THBS4: variants seen among roughly 807,000 people sequenced by gnomAD.
The protein encoded by THBS4 is thrombospondin 4.
THBS4 carries 90 observed loss-of-function variants against 115.7 expected under a neutral mutation model. That is an observed-to-expected ratio of 0.78 (90% CI 0.66 to 0.93). The LOEUF (loss-of-function observed/expected upper bound fraction) is 0.93. THBS4 is among the 40% of genes least tolerant of loss of function. THBS4 has a pLI of 0.00. For missense variants in THBS4, 1,087 were observed against 1,232.7 expected, an observed-to-expected ratio of 0.88 and a Z score of 1.77; for synonymous variants, 460 against 479.3, an observed-to-expected ratio of 0.96 and a Z score of 0.53.
intron 1 of THBS4, among the ~76,000 whole-genome samples, chr5:79,996,270 T>C (rs2151147647): frequency 6.6e-6 from 1 of 152,374 alleles, no homozygotes; most frequent in African/African-American, 2.4e-5. Context: ...GGGAGAGCCA[T>C]GGGCAGGCTA....
chr5:80,008,394 C>T (rs1467591269), intron 2 of THBS4, among the ~76,000 whole-genome samples: 1 of 151,936 alleles, frequency 6.6e-6, no homozygotes, highest in Non-Finnish European at 1.5e-5. Context: ...CAAGCTTAAC[C>T]GGGCTTCCCA....
chr5:79,993,484 T>A (rs1215201727), intron 1 of THBS4, among the ~76,000 whole-genome samples: 2 of 152,210 alleles, frequency 1.3e-5, no homozygotes, highest in Non-Finnish European at 2.9e-5. Flanking sequence ...TGTTCAGAGT[T>A]CATCTAAATC....
In THBS4 at chr5:80,079,098, C is replaced by G. The variant is rs756053670; in HGVS notation, c.2351C>G (p.Thr784Ser). 3 of 1,613,934 alleles carry G rather than the reference C, an allele frequency of 1.9e-6. No individual in the cohort carries two copies. The highest frequency in any genetic ancestry group is 1.1e-5 in the South Asian group (1 of 91,058). Residue 784 changes from threonine to serine, a missense_variant, in exon 19 of 22, where the codon ACC becomes AGC. Thr to Ser is a moderately conservative substitution (Grantham distance 58). Around this residue, in one of 3 missense-constraint regions of THBS4, gnomAD observed 979 missense variants for 1,103.7 expected, o/e 0.89. Coordinates refer to ENST00000350881, the MANE Select transcript of THBS4 (RefSeq NM_003248.6). ...TAFNGVDFEGTFHVNTQTDDD... is the reference protein window; with the variant it reads ...TAFNGVDFEGSFHVNTQTDDD... ...TTTAATGGAGTTGACTTCGAAGGGA[C>G]CTTCCATGTGAATACCCAGACAGAT...
chr5:80,020,088 G>A (rs535838800), intron 2 of THBS4, among the ~76,000 whole-genome samples: 1 of 152,164 alleles, frequency 6.6e-6, no homozygotes, highest in East Asian at 1.9e-4. Context: ...AAGTCCAGTT[G>A]GATTCTAGAG....
Position 80,072,317 on chromosome 5 carries a change from A to G in THBS4, c.1760A>G (p.Asn587Ser). The change falls in exon 14 of 22, where the codon AAT becomes AGT. Residue 587 changes from asparagine to serine, a missense_variant. Around this residue, in one of 3 missense-constraint regions of THBS4, gnomAD observed 979 missense variants for 1,103.7 expected, o/e 0.89. Transcript: ENST00000350881. ...NILDNCPKFPNRDQRDKDGDG... is the reference protein window; with the variant it reads ...NILDNCPKFPSRDQRDKDGDG... ...CTGGACAACTGCCCAAAATTTCCCA[A>G]TCGTGACCAACGGGACAAGGATGGT... The G allele has an allele frequency of 1.2e-6, 2 of 1,614,142 alleles. No homozygotes were observed. Among genetic ancestry groups the G allele is most frequent in the Non-Finnish European group, 1.7e-6 (2 of 1,180,012 alleles).
chr5:80,004,372 T>A (rs769061578), intron 2 of THBS4, among the ~76,000 whole-genome samples: 68 of 152,212 alleles, frequency 4.5e-4, no homozygotes, highest in Non-Finnish European at 1.5e-4. Context: ...AGGTAGGTGC[T>A]CCCATCTGTT....
At chr5:80,043,504 C>T (rs933802419) in intron 2 of THBS4, among the ~76,000 whole-genome samples, 14 of 152,270 alleles carry the variant, frequency 9.2e-5, no homozygotes, top group East Asian at 1.9e-4. Flanking sequence ...GCGTGGAAAA[C>T]GGTGAAACAG....
chr5:80,016,045 CT>C (rs1034703787), intron 2 of THBS4, among the ~76,000 whole-genome samples: 4 of 152,278 alleles, frequency 2.6e-5, no homozygotes, highest in Non-Finnish European at 5.9e-5. Flanking sequence ...GAAGGGCTGT[CT>C]TTGGGGCCAG....
chr5:80,014,574 T>C (rs1246998344), intron 2 of THBS4, among the ~76,000 whole-genome samples: 3 of 152,094 alleles, frequency 2.0e-5, no homozygotes, highest in Non-Finnish European at 4.4e-5. Flanking sequence ...AGCCAGTAGT[T>C]GGGGGAAGAG....
chr5:80,065,444 G>A lies in THBS4; in HGVS notation c.1161G>A (p.Ala387=), dbSNP rs756177030. The change falls in exon 9 of 22, where the codon GCG becomes GCA. Residue 387 remains alanine, a synonymous_variant. Coordinates refer to ENST00000350881, the MANE Select transcript of THBS4 (RefSeq NM_003248.6). ...ACATTGATGAGTGTCGAAATGGAGC[G>A]TGCGTTCCCAACTCGATCTGCGTTA... The part of the protein sequence containing the change: ...CTDIDECRNG[A]CVPNSICVNT... 5.4e-5 allele frequency: 87 copies of A among 1,613,532 alleles called. No individual in the cohort carries two copies. Among genetic ancestry groups the A allele is most frequent in the South Asian group, 2.0e-4 (18 of 91,000 alleles).
At chr5:80,077,919 T>G (rs941631390) in intron 16 of THBS4, 130 bp from the exon 17 acceptor site, 1 of 800,770 alleles carries the variant, frequency 1.2e-6, no homozygotes, top group Admixed American at 3.4e-5. Flanking sequence ...CTCCCAACAC[T>G]GATGGGAAAT....
In THBS4 at chr5:80,065,704, TCAAAGTTG is replaced by T. The variant is rs1405534127; in HGVS notation, c.1194+231_1194+238del. Among the ~76,000 whole-genome samples the T allele has an allele frequency of 2.6e-5, 4 of 152,336 alleles. No homozygotes were observed. The East Asian group carries it at 7.7e-4, about 29-fold the overall frequency. The stretch of plus-strand genomic sequence containing the variant: ...TAAGTGCCAAGTTCTTTATTTTCTA[TCAAAGTTG>T]CAATATTAGGCTATTAGATAACTAT... On this transcript the variant is annotated intron_variant, in intron 9 of 21. Coordinates refer to ENST00000350881, the MANE Select transcript of THBS4 (RefSeq NM_003248.6).
At chr5:80,040,006 CA>C in intron 1 of THBS4, 70 bp from the exon 2 acceptor site, 1 of 1,404,470 alleles carries the variant, frequency 7.1e-7, no homozygotes, top group Non-Finnish European at 1.0e-6. Flanking sequence ...GCACCCCCCC[CA>C]AACAAAGAAA....
intron 2 of THBS4, among the ~76,000 whole-genome samples, chr5:80,041,476 C>T (rs1473557618): frequency 6.6e-6 from 1 of 152,158 alleles, no homozygotes; most frequent in Admixed American, 6.5e-5. Context: ...AGCCAGTGCT[C>T]AGTAGACCTA....
At chr5:80,033,211 C>G, upstream of THBS4, 1 of 453,560 alleles carries the variant, frequency 2.2e-6, no homozygotes, top group Non-Finnish European at 4.5e-6. Context: ...GGGGATCCTG[C>G]GGCTGATGGG....
chr5:80,079,002 G>T (rs1461608416), intron 18 of THBS4, 33 bp downstream of exon 18: 2 of 1,613,770 alleles, frequency 1.2e-6, no homozygotes, highest in Middle Eastern at 1.7e-4. Flanking sequence ...CACTCACATA[G>T]AATTCTTCCA....
At chr5:80,044,562 A>G (rs1833001655) in intron 2 of THBS4, among the ~76,000 whole-genome samples, 1 of 152,008 alleles carries the variant, frequency 6.6e-6, no homozygotes, top group Admixed American at 6.6e-5. Context: ...AGCTGGAACT[A>G]CATGTGCGCA....
chr5:80,002,139 T>C (rs1561289328), intron 2 of THBS4, among the ~76,000 whole-genome samples: 1 of 152,184 alleles, frequency 6.6e-6, no homozygotes, highest in Non-Finnish European at 1.5e-5. Flanking sequence ...CTATCATTAA[T>C]AGTGAAATGA....
Position 80,004,195 on chromosome 5 carries a change from G to A in THBS4, n.177+5768G>A, listed in dbSNP as rs1169660884. Among the ~76,000 whole-genome samples the A allele has an allele frequency of 3.3e-5, 5 of 152,184 alleles. No homozygotes were observed. The East Asian group carries it at 9.6e-4, about 29-fold the overall frequency. Reference sequence around the variant, plus strand: ...CCAGGTTTTTCAGGTGTCATTCAGGGTTGATTTAGGGTTTTGGTTTTCTCC... The same window carrying A: ...CCAGGTTTTTCAGGTGTCATTCAGGATTGATTTAGGGTTTTGGTTTTCTCC... On this transcript the variant is annotated intron_variant and non_coding_transcript_variant, in intron 2 of 3. Transcript: ENST00000510218.
Sources: gnomAD v4.1 joint callset for allele counts (sites outside exome capture counted in the v4.1 genomes callset) on GRCh38, gnomAD v4.1.1 for gene constraint, gnomAD v4.1.1 regional missense constraint, MANE v1.5 for transcripts, NCBI Gene and HGNC (gene_info 2026-07-23, HGNC 2026-07-21) for gene names.